Variants in DGKB observed in about 807,000 individuals in gnomAD.
The protein encoded by DGKB is diacylglycerol kinase beta.
A neutral mutation model predicts 114.3 loss-of-function variants in DGKB; 67 were observed. The observed-to-expected ratio is 0.59, with a 90% CI of 0.48 to 0.72. DGKB has a LOEUF of 0.72. DGKB is among the 30% of genes least tolerant of loss of function. DGKB has a pLI of 0.00. For synonymous variants in DGKB, 398 were observed against 323.1 expected (o/e 1.23, Z -2.49); for missense variants, 907 against 975.2 (o/e 0.93, Z 0.93).
chr7:14,664,156 A>G (rs902868541), intron 13 of DGKB, among the ~76,000 whole-genome samples: 1 of 151,986 alleles, frequency 6.6e-6, no homozygotes, highest in Non-Finnish European at 1.5e-5. Context: ...CTAACATCTA[A>G]TGAACTTCCC....
At chr7:14,382,183 A>G (rs1819584850) in intron 21 of DGKB, among the ~76,000 whole-genome samples, 1 of 152,214 alleles carries the variant, frequency 6.6e-6, no homozygotes, top group South Asian at 2.1e-4. Context: ...TAGATGCAGT[A>G]AGAAAGAGCA....
At position 14,647,787 on chromosome 7, in the gene DGKB, G is replaced by A. The variant is rs527381671; in HGVS notation, c.1135-17519C>T. Among the ~76,000 whole-genome samples, 10 of 152,308 alleles carry A rather than the reference G, an allele frequency of 6.6e-5. No homozygotes were observed. In the East Asian group the frequency reaches 9.7e-4, roughly 15 times the overall value. ...AGTGGGCGCAGGTCAGTGGTCGCGCGCACCATGCGCGAGCCGAAGCAGGGC... is the reference window on the plus strand; with the variant it reads ...AGTGGGCGCAGGTCAGTGGTCGCGCACACCATGCGCGAGCCGAAGCAGGGC... On this transcript the variant is annotated intron_variant, in intron 13 of 25. Coordinates refer to ENST00000402815, the MANE Select transcript of DGKB (RefSeq NM_001350709.2).
intron 23 of DGKB, among the ~76,000 whole-genome samples, chr7:14,258,049 T>TAA: frequency 6.6e-6 from 1 of 152,290 alleles, no homozygotes; most frequent in South Asian, 2.1e-4. Context: ...TTTTTCTTTA[T>TAA]AAGTTACCCA....
intron 23 of DGKB, among the ~76,000 whole-genome samples, chr7:14,322,232 G>C (rs1430118398): frequency 6.6e-6 from 1 of 152,042 alleles, no homozygotes; most frequent in Non-Finnish European, 1.5e-5. Context: ...GGGATGAGTA[G>C]GTATGACAGA....
rs963333642 is a variant in DGKB, at chr7:14,643,341, C to G, written c.1135-13073G>C. 4.8e-5 allele frequency among the ~76,000 whole-genome samples: 6 copies of G among 125,090 alleles called. No individual in the cohort carries two copies. The East Asian group carries it at 1.2e-3, about 26-fold the overall frequency. The allele number at this position is 125,090 out of a possible 152,430, so 82.1% of individuals were successfully genotyped here. On this transcript the variant is annotated intron_variant, in intron 13 of 25. Coordinates refer to ENST00000402815, the MANE Select transcript of DGKB (RefSeq NM_001350709.2). ...AGTGCAGAGAGTTTCCTGGAGTTCA[C>G]ATGACTGTATTGTTCCAGAGAGGAA...
At chr7:14,241,945 CACACACACATAT>C (rs776829794) in intron 23 of DGKB, among the ~76,000 whole-genome samples, 1,489 of 99,944 alleles carry the variant, frequency 0.015, 17 homozygotes, top group East Asian at 0.053. Flanking sequence ...TAGATATATA[CACACACACATAT>C]ACACACACAC....
chr7:14,611,105 C>T (rs1805468289), intron 16 of DGKB, among the ~76,000 whole-genome samples: 1 of 152,070 alleles, frequency 6.6e-6, no homozygotes, highest in African/African-American at 2.4e-5. Flanking sequence ...ATTGGGCAAA[C>T]ATCTACCATA....
intron 21 of DGKB, among the ~76,000 whole-genome samples, chr7:14,417,119 T>G (rs1825831071): frequency 6.6e-6 from 1 of 152,094 alleles, no homozygotes; most frequent in Non-Finnish European, 1.5e-5. Context: ...CTTGTGACCT[T>G]CAGAACGACA....
At chr7:14,891,987 G>A (rs1164745651) in intron 1 of DGKB, among the ~76,000 whole-genome samples, 4 of 151,372 alleles carry the variant, frequency 2.6e-5, no homozygotes, top group South Asian at 2.1e-4. Flanking sequence ...AAAGGGTAAG[G>A]ATTTTGCCAG....
intron 23 of DGKB, among the ~76,000 whole-genome samples, chr7:14,271,394 C>T (rs1276875790): frequency 6.6e-6 from 1 of 152,008 alleles, no homozygotes; most frequent in Admixed American, 6.6e-5. Flanking sequence ...TCCCTGTGGC[C>T]CTGTGATTCT....
At chr7:14,633,225 G>A (rs1202871718) in intron 13 of DGKB, among the ~76,000 whole-genome samples, 2 of 151,886 alleles carry the variant, frequency 1.3e-5, no homozygotes, top group African/African-American at 2.4e-5. Context: ...ACAGAGGTTT[G>A]TCACTTCTTT....
chr7:14,345,431 A>G (rs779984489), intron 21 of DGKB, 40 bp from the exon 22 acceptor site: 3 of 1,048,752 alleles, frequency 2.9e-6, no homozygotes, highest in Admixed American at 2.2e-5. Flanking sequence ...GCAATTATCA[A>G]TAACAGAGGG....
chr7:14,191,955 G>A, intron 23 of DGKB: 1 of 662,316 alleles, frequency 1.5e-6, no homozygotes, highest in South Asian at 1.5e-5. Flanking sequence ...TTGAAGTCTG[G>A]TGATGCTACC....
At chr7:14,795,266 A>G (rs980066116) in intron 2 of DGKB, among the ~76,000 whole-genome samples, 1 of 152,186 alleles carries the variant, frequency 6.6e-6, no homozygotes, top group African/African-American at 2.4e-5. Context: ...CTCATTAAGC[A>G]AAGGTTCTGC....
intron 21 of DGKB, among the ~76,000 whole-genome samples, chr7:14,362,245 T>C (rs904086100): frequency 1.3e-5 from 2 of 152,066 alleles, no homozygotes; most frequent in Non-Finnish European, 2.9e-5. Flanking sequence ...CCTTACATTA[T>C]GGCAGTTGAT....
In DGKB at chr7:14,277,804, C is replaced by T. The variant is rs527966422; in HGVS notation, c.2122+60711G>A. Among the ~76,000 whole-genome samples the T allele has an allele frequency of 2.9e-4, 44 of 152,300 alleles. No individual in the cohort carries two copies. The East Asian group carries it at 5.8e-3, about 20-fold the overall frequency. On this transcript the variant is annotated intron_variant, in intron 23 of 25. Transcript: ENST00000402815. ...TATACCCGAGGTAGGATTGCTGGAT[C>T]ATATAGTAGTTCTATTTTTATTTTT...
intron 1 of DGKB, among the ~76,000 whole-genome samples, chr7:14,962,214 G>A (rs1786887235): frequency 6.6e-6 from 1 of 152,050 alleles, no homozygotes; most frequent in South Asian, 2.1e-4. Flanking sequence ...GAAAAATCTT[G>A]TATATCCATA....
chr7:14,530,462 C>A (rs117163319), intron 20 of DGKB, among the ~76,000 whole-genome samples: 1 of 151,420 alleles, frequency 6.6e-6, no homozygotes, highest in Non-Finnish European at 1.5e-5. Context: ...GTTTTACATG[C>A]CTCCCTTGAT....
At chr7:14,374,447 C>T (rs1583484007) in intron 21 of DGKB, among the ~76,000 whole-genome samples, 1 of 152,166 alleles carries the variant, frequency 6.6e-6, no homozygotes, top group African/African-American at 2.4e-5. Context: ...TTGCAATGTG[C>T]CTCAGCTGAA....
Sources: allele counts gnomAD v4.1 joint callset (sites outside exome capture counted in the v4.1 genomes callset), GRCh38; gene constraint gnomAD v4.1.1; transcripts MANE v1.5; gene names NCBI Gene and HGNC (gene_info 2026-07-23, HGNC 2026-07-21).